The following PTPRD variants were observed in gnomAD, a reference collection of about 807,000 sequenced individuals.
PTPRD encodes protein tyrosine phosphatase receptor type D.
Under a neutral mutation model 214.5 loss-of-function variants are expected in PTPRD, and 34 were observed. That is an observed-to-expected ratio of 0.16 (90% confidence interval 0.12 to 0.21). The LOEUF is 0.21. Among genes scored for constraint, PTPRD ranks in the 10% least tolerant of loss-of-function variants. The pLI, the probability that PTPRD is intolerant of heterozygous loss-of-function variation, is 1.00. For missense variants in PTPRD, 2,545 were observed against 2,398.7 expected (o/e 1.06, Z -1.27); for synonymous variants, 1,128 against 845.7 (o/e 1.33, Z -5.79).
intron 8 of PTPRD, among the ~76,000 whole-genome samples, chr9:9,551,083 C>A (rs1004735833): frequency 6.6e-5 from 10 of 151,838 alleles, no homozygotes; most frequent in Non-Finnish European, 1.5e-4. Flanking sequence ...CATAGTTACA[C>A]TCAATTTATA....
intron 3 of PTPRD, among the ~76,000 whole-genome samples, chr9:10,190,417 A>C (rs1465274342): frequency 6.5e-5 from 6 of 91,690 alleles, no homozygotes; most frequent in Non-Finnish European, 1.0e-4. Context: ...AAAAAAAAAA[A>C]AAACAAAAAG....
At chr9:9,338,847 C>T (rs1330434849) in intron 9 of PTPRD, among the ~76,000 whole-genome samples, 1 of 152,144 alleles carries the variant, frequency 6.6e-6, no homozygotes, top group East Asian at 1.9e-4. Flanking sequence ...CCCCTACCCC[C>T]TCACCCCTCG....
At chr9:10,129,233 A>G (rs1032091710) in intron 3 of PTPRD, among the ~76,000 whole-genome samples, 1 of 152,268 alleles carries the variant, frequency 6.6e-6, no homozygotes, top group African/African-American at 2.4e-5. Flanking sequence ...GCCCGAAAGT[A>G]CCTAATTATC....
At chr9:10,468,273 G>A (rs1299953845) in intron 2 of PTPRD, among the ~76,000 whole-genome samples, 1 of 150,020 alleles carries the variant, frequency 6.7e-6, no homozygotes, top group African/African-American at 2.5e-5. Context: ...ATGATAGACT[G>A]GATAAAGACA....
chr9:9,792,190 C>T (rs1157471190), intron 5 of PTPRD, among the ~76,000 whole-genome samples: 4 of 152,138 alleles, frequency 2.6e-5, no homozygotes, highest in South Asian at 2.1e-4. Flanking sequence ...GACCACCCTT[C>T]CCTCAGTGAG....
intron 2 of PTPRD, among the ~76,000 whole-genome samples, chr9:10,525,503 C>T (rs1297323578): frequency 6.6e-6 from 1 of 152,030 alleles, no homozygotes; most frequent in African/African-American, 2.4e-5. Context: ...ACAACCTAAA[C>T]AACTGTAATT....
rs771406960 is a variant in PTPRD at position 8,848,829 on chromosome 9, C to T, written c.-103-114883G>A. ...TGCAACCTTGGGCAAATTACTTAAT[C>T]TCTCCATGGATCAACCCTCTTCTGT... On this transcript the variant is annotated intron_variant, in intron 11 of 45. Transcript: ENST00000381196. Among the ~76,000 whole-genome samples, 19 of 125,984 alleles carry T rather than the reference C, an allele frequency of 1.5e-4. 2 individuals carry two copies. Among genetic ancestry groups the T allele is most frequent in the Non-Finnish European group, 2.7e-4 (15 of 55,550 alleles). The allele number at this position is 125,984 out of a possible 152,430, so 82.7% of individuals were successfully genotyped here. A position where few individuals can be genotyped will look rare whatever the true frequency, so the allele number is the denominator to read the frequency against.
chr9:9,096,417 C>T (rs1044430578), intron 10 of PTPRD, among the ~76,000 whole-genome samples: 2 of 152,120 alleles, frequency 1.3e-5, no homozygotes, highest in Non-Finnish European at 2.9e-5. Context: ...TGGAATGCGA[C>T]ATTTTGGTTA....
intron 35 of PTPRD, among the ~76,000 whole-genome samples, chr9:8,418,959 T>C (rs2094153551): frequency 6.6e-6 from 1 of 152,028 alleles, no homozygotes; most frequent in Admixed American, 6.6e-5. Flanking sequence ...GATAATGTCC[T>C]TGTAAAAATG....
rs966660431 is a variant in PTPRD at position 9,930,420 on chromosome 9, A to G, written c.-368+8087T>C. Among the ~76,000 whole-genome samples, 185 of 152,208 alleles carry G rather than the reference A, an allele frequency of 1.2e-3. 4 individuals carry two copies. Among genetic ancestry groups the G allele is most frequent in the Non-Finnish European group, 3.4e-4 (23 of 68,032 alleles). On this transcript the variant is annotated intron_variant, in intron 5 of 45. Coordinates refer to ENST00000381196, the MANE Select transcript of PTPRD (RefSeq NM_002839.4). ...AAGAGACTGTTAACAATATTTCTAC[A>G]GAGTTTATTTTTAAAATGACATTTT... is the stretch of plus-strand genomic sequence containing the variant.
intron 12 of PTPRD, among the ~76,000 whole-genome samples, chr9:8,684,208 C>G (rs1474233014): frequency 6.6e-6 from 1 of 152,182 alleles, no homozygotes; most frequent in African/African-American, 2.4e-5. Context: ...CATACAGAAG[C>G]TGAAACACTC....
chr9:8,498,209 T>A (rs2097317403), intron 25 of PTPRD, among the ~76,000 whole-genome samples: 2 of 152,212 alleles, frequency 1.3e-5, no homozygotes, highest in African/African-American at 2.4e-5. Flanking sequence ...TGACTTGTAT[T>A]AAGACTTTGG....
chr9:10,281,271 T>C (rs1596062354), intron 3 of PTPRD, among the ~76,000 whole-genome samples: 1 of 152,094 alleles, frequency 6.6e-6, no homozygotes, highest in East Asian at 1.9e-4. Flanking sequence ...GTTTAGATGT[T>C]AACTCTAAGC....
chr9:8,339,433 C>T (rs934395502), intron 42 of PTPRD, among the ~76,000 whole-genome samples: 4 of 152,124 alleles, frequency 2.6e-5, no homozygotes, highest in African/African-American at 9.7e-5. Context: ...AGCATACTTG[C>T]ACCACTATGG....
rs148791925 is a variant in PTPRD, at chr9:9,235,096, G to A, written c.-202-51733C>T. ...TTCCACATGGCTGGGGAGGCCTCAG[G>A]AAACTTATAATCATGGCAGAAGTCA... On this transcript the variant is annotated intron_variant, in intron 9 of 45. Coordinates refer to ENST00000381196, the MANE Select transcript of PTPRD (RefSeq NM_002839.4). Among the ~76,000 whole-genome samples, 1,064 of 152,274 alleles carry A rather than the reference G, an allele frequency of 7.0e-3. 9 individuals carry two copies. The highest frequency in any genetic ancestry group is 0.044 in the Middle Eastern group (13 of 294).
chr9:9,919,044 G>C (rs551532847), intron 5 of PTPRD, among the ~76,000 whole-genome samples: 6 of 152,100 alleles, frequency 3.9e-5, no homozygotes, highest in African/African-American at 1.4e-4. Flanking sequence ...ACATCTGGCA[G>C]CCTTTTATTT....
At chr9:9,810,133 TAAAA>T (rs3050106) in intron 5 of PTPRD, among the ~76,000 whole-genome samples, 4 of 108,522 alleles carry the variant, frequency 3.7e-5, no homozygotes, top group African/African-American at 4.3e-5. Context: ...ACTTCCAGGT[TAAAA>T]AAAAAAAAAA....
At chr9:8,549,623 G>C (rs1185318841) in intron 14 of PTPRD, among the ~76,000 whole-genome samples, 1 of 152,128 alleles carries the variant, frequency 6.6e-6, no homozygotes, top group African/African-American at 2.4e-5. Flanking sequence ...GTGAATATTT[G>C]CCTTGTGAGG....
intron 10 of PTPRD, among the ~76,000 whole-genome samples, chr9:9,132,372 T>G (rs1390993082): frequency 6.6e-6 from 1 of 152,226 alleles, no homozygotes; most frequent in East Asian, 1.9e-4. Flanking sequence ...AAAGTCCATC[T>G]GTACCTAATC....
Sources: gnomAD v4.1 joint callset for allele counts (sites outside exome capture counted in the v4.1 genomes callset) on GRCh38, gnomAD v4.1.1 for gene constraint, MANE v1.5 for transcripts, NCBI Gene and HGNC (gene_info 2026-07-23, HGNC 2026-07-21) for gene names.